Variants in SLC35F1 observed in about 807,000 individuals in gnomAD.
SLC35F1 encodes the protein solute carrier family 35 member F1, also known as chromosome 6 open reading frame 169.
Under a neutral mutation model 48.7 loss-of-function variants are expected in SLC35F1, and 14 were observed. The ratio of observed to expected loss-of-function variants is 0.29; its 90% CI spans 0.19 to 0.45. The LOEUF is 0.45. Among genes scored for constraint, SLC35F1 ranks in the 20% least tolerant of loss-of-function variants. The pLI is 1.00. For synonymous variants in SLC35F1, 190 were observed against 202.2 expected (o/e 0.94, Z 0.51); for missense variants, 404 against 500.0 (o/e 0.81, Z 1.83).
rs868093177 is a variant in SLC35F1, at chr6:117,923,737, A to G, written c.173+15838A>G. ...TATATACATATATACATATGTATAT[A>G]TACATATATGTACATATATACATAT... On this transcript the variant is annotated intron_variant, in intron 1 of 7. Coordinates refer to ENST00000360388, the MANE Select transcript of SLC35F1 (RefSeq NM_001029858.4). Among the ~76,000 whole-genome samples the G allele has an allele frequency of 1.7e-3, 158 of 93,128 alleles. 13 individuals carry two copies. The highest frequency in any genetic ancestry group is 8.8e-3 in the African/African-American group (151 of 17,226). 61.1% of individuals were successfully genotyped at this position (93,128 alleles called of 152,430 possible). A position where few individuals can be genotyped will look rare whatever the true frequency, so the allele number is the denominator to read the frequency against.
intron 3 of SLC35F1, among the ~76,000 whole-genome samples, chr6:118,266,669 GC>G (rs1166452554): frequency 6.6e-6 from 1 of 152,170 alleles, no homozygotes; most frequent in Non-Finnish European, 1.5e-5. Flanking sequence ...TTCCCATGGA[GC>G]ATGGCCTGGC....
chr6:117,970,078 G>T (rs1170835900), intron 1 of SLC35F1, among the ~76,000 whole-genome samples: 1 of 152,196 alleles, frequency 6.6e-6, no homozygotes, highest in Non-Finnish European at 1.5e-5. Flanking sequence ...TAGTGATTTT[G>T]TCTGAATTTG....
intron 3 of SLC35F1, among the ~76,000 whole-genome samples, chr6:118,241,067 G>A (rs1775433785): frequency 6.6e-6 from 1 of 152,198 alleles, no homozygotes; most frequent in Non-Finnish European, 1.5e-5. Context: ...ACTCTAAAGG[G>A]AATAGAGGAA....
At chr6:117,956,515 G>A (rs945124900) in intron 1 of SLC35F1, among the ~76,000 whole-genome samples, 4 of 152,204 alleles carry the variant, frequency 2.6e-5, no homozygotes, top group African/African-American at 7.2e-5. Flanking sequence ...ACTAGGCAAC[G>A]CGGGGACAGT....
At chr6:117,937,094 A>C (rs1453810351) in intron 1 of SLC35F1, among the ~76,000 whole-genome samples, 2 of 152,204 alleles carry the variant, frequency 1.3e-5, no homozygotes, top group African/African-American at 4.8e-5. Context: ...TGTCATTCTC[A>C]TTTTGAGGAT....
At chr6:118,210,351 G>T (rs562253154) in intron 2 of SLC35F1, among the ~76,000 whole-genome samples, 1 of 152,206 alleles carries the variant, frequency 6.6e-6, no homozygotes, top group Non-Finnish European at 1.5e-5. Flanking sequence ...AGATTTTACT[G>T]CCTAATCTAT....
chr6:118,217,462 C>T (rs1275549123), intron 2 of SLC35F1, among the ~76,000 whole-genome samples: 4 of 152,032 alleles, frequency 2.6e-5, no homozygotes, highest in Non-Finnish European at 5.9e-5. Flanking sequence ...AACAATGGCT[C>T]CTAATGGCCA....
chr6:118,267,905 A>G (rs1469518652), intron 4 of SLC35F1, among the ~76,000 whole-genome samples: 1 of 151,906 alleles, frequency 6.6e-6, no homozygotes, highest in Non-Finnish European at 1.5e-5. Context: ...CCAAAATTTT[A>G]GCTACAGAAG....
At chr6:118,258,161 T>C (rs187917481) in intron 3 of SLC35F1, among the ~76,000 whole-genome samples, 1 of 152,278 alleles carries the variant, frequency 6.6e-6, no homozygotes, top group Admixed American at 6.5e-5. Flanking sequence ...CTTTTGAAAG[T>C]ACAATGAATT....
intron 1 of SLC35F1, among the ~76,000 whole-genome samples, chr6:118,044,216 A>C (rs552218960): frequency 6.6e-6 from 1 of 152,168 alleles, no homozygotes; most frequent in Non-Finnish European, 1.5e-5. Flanking sequence ...CATTGCACCC[A>C]TCATCCATAG....
intron 2 of SLC35F1, among the ~76,000 whole-genome samples, chr6:118,183,181 G>A (rs1167016466): frequency 1.3e-5 from 2 of 152,078 alleles, no homozygotes; most frequent in African/African-American, 4.8e-5. Context: ...AAGCTTCCTA[G>A]GTAGCTTTGA....
chr6:118,145,206 A>G (rs528022674), intron 1 of SLC35F1, among the ~76,000 whole-genome samples: 8 of 152,296 alleles, frequency 5.3e-5, no homozygotes, highest in South Asian at 4.1e-4. Flanking sequence ...TGTGCATTTC[A>G]TAAGAAGGGA....
chr6:118,237,745 C>T (rs1775384274), intron 3 of SLC35F1, among the ~76,000 whole-genome samples: 2 of 152,170 alleles, frequency 1.3e-5, no homozygotes, highest in South Asian at 4.1e-4. Context: ...CCTCTCCATA[C>T]AATAAAGCTT....
chr6:117,924,027 A>G (rs917850536), intron 1 of SLC35F1, among the ~76,000 whole-genome samples: 6 of 150,208 alleles, frequency 4.0e-5, no homozygotes, highest in African/African-American at 7.4e-5. Flanking sequence ...ATATACCTAT[A>G]CACACATAGG....
intron 1 of SLC35F1, among the ~76,000 whole-genome samples, chr6:118,067,730 C>T (rs1052010242): frequency 2.6e-5 from 4 of 152,070 alleles, no homozygotes; most frequent in Non-Finnish European, 4.4e-5. Context: ...TAAAGCAGGA[C>T]GACAAAGGGA....
chr6:118,137,763 TC>T (rs1376272812), intron 1 of SLC35F1, among the ~76,000 whole-genome samples: 30 of 151,882 alleles, frequency 2.0e-4, no homozygotes, highest in Admixed American at 1.8e-3. Context: ...GTCTGCAACC[TC>T]CCCCTCCCCA....
chr6:118,238,349 G>A (rs189499216), intron 3 of SLC35F1, among the ~76,000 whole-genome samples: 1 of 151,984 alleles, frequency 6.6e-6, no homozygotes, highest in Admixed American at 6.6e-5. Flanking sequence ...CAACTACTGG[G>A]GAGGCTGGGG....
intron 1 of SLC35F1, among the ~76,000 whole-genome samples, chr6:118,014,358 T>C (rs1443842361): frequency 1.3e-5 from 2 of 152,156 alleles, no homozygotes; most frequent in African/African-American, 4.8e-5. Context: ...GATAATTAAA[T>C]GGGGCTCTTG....
At chr6:117,975,768 C>T (rs370179541) in intron 1 of SLC35F1, among the ~76,000 whole-genome samples, 8 of 152,248 alleles carry the variant, frequency 5.3e-5, no homozygotes, top group East Asian at 1.9e-4. Context: ...TTTGTTCCTG[C>T]GCTAACAAGT....
Sources: allele counts gnomAD v4.1 joint callset (sites outside exome capture counted in the v4.1 genomes callset), GRCh38; gene constraint gnomAD v4.1.1; transcripts MANE v1.5; gene names NCBI Gene and HGNC (gene_info 2026-07-23, HGNC 2026-07-21).